Variants in SMC1B observed in about 807,000 individuals in gnomAD.
SMC1B encodes the protein structural maintenance of chromosomes 1B.
In SMC1B, 60 loss-of-function variants were observed where a neutral mutation model predicts 157.9. The observed-to-expected ratio is 0.38, with a 90% CI of 0.31 to 0.47. The LOEUF (loss-of-function observed/expected upper bound fraction) is 0.47. SMC1B is among the 20% of genes least tolerant of loss of function. The probability of loss-of-function intolerance (pLI) is 0.99; values close to 1 mark genes in which losing one functional copy is unlikely to be tolerated. For missense variants in SMC1B, 1,165 were observed against 1,426.2 expected (o/e 0.82, Z 2.95); for synonymous variants, 445 against 483.0 (o/e 0.92, Z 1.03).
intron 5 of SMC1B, among the ~76,000 whole-genome samples, chr22:45,401,224 T>G (rs2087188952): frequency 6.6e-6 from 1 of 152,216 alleles, no homozygotes; most frequent in South Asian, 2.1e-4. Flanking sequence ...GGGCTAAAAA[T>G]AAATTATTTA....
chr22:45,370,834 A>T (rs538394871), intron 14 of SMC1B, among the ~76,000 whole-genome samples: 1 of 152,364 alleles, frequency 6.6e-6, no homozygotes, highest in South Asian at 2.1e-4. Flanking sequence ...ATGTGAAATG[A>T]ATAAAGAAAC....
chr22:45,382,619 T>C (rs1325341738), intron 12 of SMC1B, among the ~76,000 whole-genome samples: 2 of 129,706 alleles, frequency 1.5e-5, no homozygotes, highest in Admixed American at 8.5e-5. Context: ...GTATATAAAT[T>C]ATATTCCACC....
intron 20 of SMC1B, among the ~76,000 whole-genome samples, chr22:45,354,708 A>G (rs945853146): frequency 2.0e-5 from 3 of 152,148 alleles, no homozygotes; most frequent in Non-Finnish European, 4.4e-5. Flanking sequence ...AGTATTTATT[A>G]TGTCAATTTT....
At chr22:45,409,825 C>A (rs1321239113) in intron 1 of SMC1B, among the ~76,000 whole-genome samples, 1 of 152,178 alleles carries the variant, frequency 6.6e-6, no homozygotes, top group Non-Finnish European at 1.5e-5. Flanking sequence ...AGTGCCTAAA[C>A]TATCTGTACA....
intron 5 of SMC1B, 75 bp downstream of exon 5, chr22:45,402,257 CA>C (rs1358077832): frequency 2.0e-6 from 2 of 988,318 alleles, no homozygotes; most frequent in African/African-American, 3.3e-5. Context: ...AATCAATTTT[CA>C]AAGTGTCACT....
chr22:45,402,653 AAATTAACT>A, intron 4 of SMC1B, 82 bp from the exon 5 acceptor site: 2 of 864,652 alleles, frequency 2.3e-6, no homozygotes, highest in Non-Finnish European at 3.7e-6. Context: ...CTATACCAAC[AAATTAACT>A]AATGAATGTT....
At chr22:45,374,822 C>T (rs987967181) in intron 12 of SMC1B, among the ~76,000 whole-genome samples, 1 of 152,026 alleles carries the variant, frequency 6.6e-6, no homozygotes, top group African/African-American at 2.4e-5. Flanking sequence ...GATTGTTCTT[C>T]TTTTTTTGTT....
At chr22:45,407,379 T>C (rs1013762659) in intron 2 of SMC1B, among the ~76,000 whole-genome samples, 3 of 152,146 alleles carry the variant, frequency 2.0e-5, no homozygotes, top group Admixed American at 1.3e-4. Context: ...TATCTTCACA[T>C]GTACAGGACA....
intron 4 of SMC1B, among the ~76,000 whole-genome samples, chr22:45,404,066 T>C (rs2087228785): frequency 3.3e-5 from 5 of 152,142 alleles, no homozygotes; most frequent in Admixed American, 3.3e-4. Flanking sequence ...CTCAGCCTCC[T>C]GAGTAGCTGG....
chr22:45,349,586 GGCCTCCCAT>G (rs2086590396), intron 23 of SMC1B, 133 bp downstream of exon 23: 2 of 455,912 alleles, frequency 4.4e-6, no homozygotes, highest in African/African-American at 5.4e-5. Flanking sequence ...TGCCTGCCTC[GGCCTCCCAT>G]AGTGCTGGGA....
chr22:45,413,433 G>C (rs753364544), intron 1 of SMC1B, 26 bp downstream of exon 1: 9 of 1,552,640 alleles, frequency 5.8e-6, no homozygotes, highest in Non-Finnish European at 7.9e-6. Flanking sequence ...GAGGCGCTCC[G>C]GTGGCGCCCT....
chr22:45,371,031 T>G (rs1483601267), intron 14 of SMC1B, among the ~76,000 whole-genome samples: 1 of 152,206 alleles, frequency 6.6e-6, no homozygotes, highest in East Asian at 1.9e-4. Flanking sequence ...TTTCTATCCC[T>G]TTATAAGCAG....
chr22:45,358,660 T>A (rs748687831), intron 19 of SMC1B, 37 bp downstream of exon 19: 1 of 1,217,502 alleles, frequency 8.2e-7, no homozygotes, highest in South Asian at 1.3e-5. Flanking sequence ...TATTCCGTAT[T>A]ACTGTGAGTG....
chr22:45,346,032 G>T (rs567057068), intron 23 of SMC1B, among the ~76,000 whole-genome samples: 1 of 151,890 alleles, frequency 6.6e-6, no homozygotes, highest in African/African-American at 2.4e-5. Context: ...GGTGAACCCC[G>T]TCTCTACTAA....
At chr22:45,360,451 G>T (rs761882610) in intron 17 of SMC1B, among the ~76,000 whole-genome samples, 30 of 151,176 alleles carry the variant, frequency 2.0e-4, no homozygotes, top group Admixed American at 4.6e-4. Flanking sequence ...AAAAGAAAAT[G>T]GAAAAAAAAA....
At chr22:45,395,171 G>A (rs954944450) in intron 7 of SMC1B, among the ~76,000 whole-genome samples, 9 of 152,158 alleles carry the variant, frequency 5.9e-5, no homozygotes, top group East Asian at 1.9e-4. Context: ...AAGAGTCCCT[G>A]CCCTCAAAGA....
chr22:45,371,458 T>A lies in SMC1B; in HGVS notation c.2313+13A>T. On this transcript the variant is annotated intron_variant, in intron 14 of 24. Coordinates refer to ENST00000357450, the MANE Select transcript of SMC1B (RefSeq NM_148674.5). Reference sequence around the variant, plus strand: ...TACATATACCATTTAGGAATAAATATAACATTCATGACCTTATCTATCTTT... The same window carrying A: ...TACATATACCATTTAGGAATAAATAAAACATTCATGACCTTATCTATCTTT... The A allele has an allele frequency of 6.3e-7, 1 of 1,575,030 alleles. No individual in the cohort carries two copies. The highest frequency in any genetic ancestry group is 1.2e-5 in the South Asian group (1 of 82,846).
intron 22 of SMC1B, among the ~76,000 whole-genome samples, chr22:45,351,746 C>T (rs781039174): frequency 1.3e-5 from 2 of 152,120 alleles, no homozygotes; most frequent in Non-Finnish European, 2.9e-5. Context: ...CACGGGGTCT[C>T]ACTATGTTGC....
chr22:45,346,782 A>G (rs1362755141), intron 23 of SMC1B, among the ~76,000 whole-genome samples: 1 of 152,178 alleles, frequency 6.6e-6, no homozygotes, highest in African/African-American at 2.4e-5. Flanking sequence ...TTTCCTGGAG[A>G]GTTACCTGTT....
Sources: allele counts gnomAD v4.1 joint callset (sites outside exome capture counted in the v4.1 genomes callset), GRCh38; gene constraint gnomAD v4.1.1; transcripts MANE v1.5; gene names NCBI Gene and HGNC (gene_info 2026-07-23, HGNC 2026-07-21).